STAM: variants seen among roughly 807,000 people sequenced by gnomAD.
The protein encoded by STAM is signal transducing adapter molecule 1.
In STAM, 16 loss-of-function variants were observed where a neutral mutation model predicts 63.4. That is an observed-to-expected ratio of 0.25 (90% CI 0.17 to 0.38). The LOEUF (loss-of-function observed/expected upper bound fraction) is 0.38, where lower values mean the gene tolerates loss of function less well. STAM is among the 10% of genes least tolerant of loss of function. The pLI is 1.00. For synonymous variants in STAM, 238 were observed against 223.9 expected (o/e 1.06, Z -0.56); for missense variants, 636 against 657.1 (o/e 0.97, Z 0.35).
rs1834631379 is a variant in STAM at position 17,671,314 on chromosome 10, G to A, written c.125+10766G>A. Among the ~76,000 whole-genome samples, 3 of 152,330 alleles carry A rather than the reference G, an allele frequency of 2.0e-5. No individual in the cohort carries two copies. The South Asian group carries it at 6.2e-4, about 32-fold the overall frequency. On this transcript the variant is annotated intron_variant, in intron 2 of 13. Transcript: ENST00000377524. ...CTCTAAAATAACTTTGAAAGCTACA[G>A]TTGTAAAAGCAAAGATAAAAAATGA...
intron 13 of STAM, among the ~76,000 whole-genome samples, chr10:17,711,679 A>C (rs1007019243): frequency 6.6e-6 from 1 of 152,130 alleles, no homozygotes; most frequent in Non-Finnish European, 1.5e-5. Flanking sequence ...CAAAGATGGG[A>C]GGTGTGAAAG....
chr10:17,704,408 T>A (rs782741588), intron 9 of STAM, 23 bp from the exon 10 acceptor site: 3 of 1,599,816 alleles, frequency 1.9e-6, no homozygotes, highest in Admixed American at 3.4e-5. Flanking sequence ...TAGCTTTTTA[T>A]ATTAACTACT....
chr10:17,668,902 A>T (rs1448594854), intron 2 of STAM, among the ~76,000 whole-genome samples: 3 of 152,192 alleles, frequency 2.0e-5, no homozygotes, highest in African/African-American at 7.2e-5. Flanking sequence ...GGTGATTTTT[A>T]ATAAAGCTGC....
At chr10:17,650,965 T>C (rs1376720111) in intron 1 of STAM, among the ~76,000 whole-genome samples, 2 of 145,694 alleles carry the variant, frequency 1.4e-5, no homozygotes, top group Non-Finnish European at 1.5e-5. Flanking sequence ...CTCAGGAGGC[T>C]GAGGCAGGAG....
At chr10:17,649,029 C>T (rs143327000) in intron 1 of STAM, among the ~76,000 whole-genome samples, 136 of 152,292 alleles carry the variant, frequency 8.9e-4, no homozygotes, top group Middle Eastern at 3.4e-3. Flanking sequence ...ATTTGAAGGT[C>T]TGGATATTCA....
chr10:17,716,418 G>T lies in STAM; in HGVS notation c.*1638G>T, dbSNP rs1446392499. The stretch of plus-strand genomic sequence containing the variant: ...TACTTAAGGGTAACTTAAGTGTTTC[G>T]CTCAAGTGTTGTGTTCTGATTTCCT... On this transcript the variant is annotated 3_prime_UTR_variant, in exon 14 of 14. Transcript: ENST00000377524. Among the ~76,000 whole-genome samples the T allele has an allele frequency of 6.6e-6, 1 of 151,840 alleles. No homozygotes were observed. Among genetic ancestry groups the T allele is most frequent in the South Asian group, 2.1e-4 (1 of 4,816 alleles).
chr10:17,704,654 A>G, intron 10 of STAM, 136 bp downstream of exon 10: 1 of 744,288 alleles, frequency 1.3e-6, no homozygotes, highest in Non-Finnish European at 2.2e-6. Context: ...GCTCACTCTC[A>G]TATGCAGTTG....
chr10:17,691,241 G>A (rs1365108639), intron 5 of STAM, among the ~76,000 whole-genome samples: 3 of 152,134 alleles, frequency 2.0e-5, no homozygotes, highest in African/African-American at 4.8e-5. Context: ...ATGCCTGGCC[G>A]GGCGCGGTGG....
At chr10:17,658,433 A>T (rs1408277619) in intron 1 of STAM, among the ~76,000 whole-genome samples, 1 of 152,156 alleles carries the variant, frequency 6.6e-6, no homozygotes, top group Non-Finnish European at 1.5e-5. Context: ...TAGTCTATAA[A>T]TGTCAATTGT....
intron 2 of STAM, among the ~76,000 whole-genome samples, chr10:17,677,080 G>A (rs1554824729): frequency 6.6e-6 from 1 of 152,162 alleles, no homozygotes; most frequent in African/African-American, 2.4e-5. Flanking sequence ...CAAACAAGGT[G>A]TTCATCAGCG....
Position 17,644,178 on chromosome 10 carries a change from T to G in STAM, c.-162T>G, listed in dbSNP as rs548178903. 2.1e-3 allele frequency: 1,488 copies of G among 713,402 alleles called. 7 individuals carry two copies. The highest frequency in any genetic ancestry group is 3.1e-3 in the Non-Finnish European group (1,289 of 417,288). 44.2% of individuals were successfully genotyped at this position (713,402 alleles called of 1,614,324 possible). On this transcript the variant is annotated 5_prime_UTR_variant, in exon 1 of 14. Coordinates refer to ENST00000377524, the MANE Select transcript of STAM (RefSeq NM_003473.4). Reference sequence around the variant, plus strand: ...TTGCTGTTGCCGCCGCCGCAGCTGCTGCCGCGGTTGGTGGGGTTGGGTGAG... The same window carrying G: ...TTGCTGTTGCCGCCGCCGCAGCTGCGGCCGCGGTTGGTGGGGTTGGGTGAG...
intron 2 of STAM, among the ~76,000 whole-genome samples, chr10:17,669,889 T>C (rs1473052246): frequency 9.5e-5 from 14 of 147,622 alleles, no homozygotes; most frequent in South Asian, 4.3e-4. Flanking sequence ...CTTTTCTTTT[T>C]TTTTTTTTTT....
chr10:17,705,532 G>T, intron 11 of STAM, 56 bp from the exon 12 acceptor site: 5 of 1,542,804 alleles, frequency 3.2e-6, no homozygotes, highest in South Asian at 2.5e-5. Context: ...TCATTATTTA[G>T]AGCATTATAT....
intron 2 of STAM, among the ~76,000 whole-genome samples, chr10:17,661,163 C>T (rs1316298910): frequency 6.6e-6 from 1 of 152,156 alleles, no homozygotes; most frequent in African/African-American, 2.4e-5. Flanking sequence ...CCAAACAGTA[C>T]AGTAATTGGA....
At chr10:17,704,360 G>A (rs1268379388) in intron 9 of STAM, 71 bp from the exon 10 acceptor site, 3 of 1,337,790 alleles carry the variant, frequency 2.2e-6, no homozygotes, top group Non-Finnish European at 3.2e-6. Flanking sequence ...TTGTCTAGTT[G>A]ATAATAAAGT....
At position 17,702,303 on chromosome 10, in the gene STAM, C is replaced by A. The variant is rs190722186; in HGVS notation, c.912+2024C>A. On this transcript the variant is annotated intron_variant, in intron 9 of 13. Transcript: ENST00000377524. Reference sequence around the variant, plus strand: ...ATCCCATATGGTCATCGGTAGAAAACTTTCAAGTATATTAGGATAAAATTT... The same window carrying A: ...ATCCCATATGGTCATCGGTAGAAAAATTTCAAGTATATTAGGATAAAATTT... Among the ~76,000 whole-genome samples the A allele has an allele frequency of 7.2e-3, 1,088 of 152,074 alleles. 11 individuals carry two copies. The highest frequency in any genetic ancestry group is 0.025 in the African/African-American group (1,034 of 41,462).
intron 13 of STAM, among the ~76,000 whole-genome samples, chr10:17,713,122 T>C (rs1836632676): frequency 6.6e-6 from 1 of 152,200 alleles, no homozygotes; most frequent in Non-Finnish European, 1.5e-5. Context: ...TTTTCTGAAA[T>C]GCTTTCTTCA....
intron 4 of STAM, among the ~76,000 whole-genome samples, 183 bp from the exon 5 acceptor site, chr10:17,687,844 T>G (rs1835357591): frequency 6.6e-6 from 1 of 152,232 alleles, no homozygotes; most frequent in Non-Finnish European, 1.5e-5. Context: ...GTGAGATATA[T>G]ATGATGGGTT....
chr10:17,698,147 A>C (rs1429939153), intron 8 of STAM, among the ~76,000 whole-genome samples: 1 of 152,184 alleles, frequency 6.6e-6, no homozygotes, highest in Non-Finnish European at 1.5e-5. Flanking sequence ...AGTTATTGCC[A>C]GGGTGTCTGG....
Sources: allele counts gnomAD v4.1 joint callset (sites outside exome capture counted in the v4.1 genomes callset), GRCh38; gene constraint gnomAD v4.1.1; transcripts MANE v1.5; gene names NCBI Gene and HGNC (gene_info 2026-07-23, HGNC 2026-07-21).